The following SEC24B variants were observed in gnomAD, a reference collection of about 807,000 sequenced individuals.
The protein encoded by SEC24B is SEC24 homolog B, COPII component.
A neutral mutation model predicts 142.8 loss-of-function variants in SEC24B; 45 were observed. The observed-to-expected ratio is 0.32, with a 90% CI of 0.25 to 0.40. SEC24B has a LOEUF of 0.40. SEC24B is among the 10% of genes least tolerant of loss of function. The pLI is 1.00. For synonymous variants in SEC24B, 574 were observed against 568.2 expected, an observed-to-expected ratio of 1.01 and a Z score of -0.15; for missense variants, 1,409 against 1,526.8, an observed-to-expected ratio of 0.92 and a Z score of 1.29.
intron 4 of SEC24B, among the ~76,000 whole-genome samples, chr4:109,483,030 GTATT>G (rs1388759875): frequency 1.2e-5 from 1 of 83,642 alleles, no homozygotes; most frequent in Non-Finnish European, 2.1e-5. Context: ...TTTTATATAT[GTATT>G]TATATATATG....
chr4:109,499,823 C>G (rs1443587574), intron 6 of SEC24B, among the ~76,000 whole-genome samples: 1 of 152,120 alleles, frequency 6.6e-6, no homozygotes, highest in Admixed American at 6.5e-5. Context: ...TTTACTCATA[C>G]TAAACTTTTT....
At chr4:109,434,092 A>G (rs1317765922) in intron 1 of SEC24B, 90 bp downstream of exon 1, 2 of 901,214 alleles carry the variant, frequency 2.2e-6, no homozygotes, top group Non-Finnish European at 2.7e-6. Flanking sequence ...CCGGGCCGGG[A>G]AGGGCGTTCG....
Position 109,433,936 on chromosome 4 carries a change from G to T in SEC24B, c.67G>T (p.Ala23Ser). ...CCGGATCCCGCCCAAGTTCGGCGGA[G>T]CGGCCGTCTCAGGAGCCGCAGCGCC... ...SARIPPKFGG[A>S]AVSGAAAPAG... The change falls in exon 1 of 24, where the codon GCG becomes TCG. Residue 23 changes from alanine to serine, a missense_variant. Coordinates refer to ENST00000265175, the MANE Select transcript of SEC24B (RefSeq NM_006323.5). 1 of 1,286,252 alleles carries T rather than the reference G, an allele frequency of 7.8e-7. No individual in the cohort carries two copies. 79.7% of individuals were successfully genotyped at this position (1,286,252 alleles called of 1,614,324 possible).
intron 1 of SEC24B, among the ~76,000 whole-genome samples, chr4:109,434,783 G>A (rs947924395): frequency 6.6e-5 from 10 of 152,164 alleles, no homozygotes; most frequent in African/African-American, 1.4e-4. Flanking sequence ...ACGTGCCAGA[G>A]TTGGCCCTGC....
chr4:109,524,973 A>C (rs1220763998), intron 15 of SEC24B, 32 bp downstream of exon 15: 3 of 1,565,040 alleles, frequency 1.9e-6, no homozygotes, highest in Non-Finnish European at 2.6e-6. Flanking sequence ...ACATTTGTTT[A>C]AATGAACATT....
At chr4:109,509,059 T>A (rs1238724450) in intron 7 of SEC24B, among the ~76,000 whole-genome samples, 1 of 152,158 alleles carries the variant, frequency 6.6e-6, no homozygotes, top group Non-Finnish European at 1.5e-5. Context: ...GGAGGGTGAC[T>A]CTTGTAAATA....
In SEC24B at chr4:109,494,804, C is replaced by G; in HGVS notation, c.1436C>G (p.Ser479Cys). The change falls in exon 6 of 24, where the codon TCT (serine) becomes TGT (cysteine). Residue 479 changes from serine to cysteine, a missense_variant. Physicochemically the swap from Ser to Cys is moderately radical, Grantham distance 112. Around this residue, in one of 2 missense-constraint regions of SEC24B, gnomAD observed 709 missense variants for 673.5 expected, o/e 1.05. Transcript: ENST00000265175. ...CAGAATGCTACAGCACCACTTATTT[C>G]TGGAGTACAGCCCAGTAACCCGGTA... The part of the protein sequence containing the change: ...GYQNATAPLI[S>C]GVQPSNPVYS... The G allele has an allele frequency of 1.2e-6, 2 of 1,614,164 alleles. No individual in the cohort carries two copies. Among genetic ancestry groups the G allele is most frequent in the Non-Finnish European group, 1.7e-6 (2 of 1,180,006 alleles).
At chr4:109,488,088 A>G (rs1371532514) in intron 4 of SEC24B, among the ~76,000 whole-genome samples, 1 of 152,124 alleles carries the variant, frequency 6.6e-6, no homozygotes, top group African/African-American at 2.4e-5. Context: ...AATGCCCATG[A>G]TATTTTTAAT....
chr4:109,467,330 A>C (rs1383582036), intron 2 of SEC24B, among the ~76,000 whole-genome samples: 1 of 149,712 alleles, frequency 6.7e-6, no homozygotes, highest in African/African-American at 2.5e-5. Context: ...CGTCTCAAAA[A>C]AAAAAAAAAA....
intron 1 of SEC24B, among the ~76,000 whole-genome samples, chr4:109,436,479 A>T (rs1728419945): frequency 6.6e-6 from 1 of 152,212 alleles, no homozygotes; most frequent in Non-Finnish European, 1.5e-5. Context: ...GGTACCTAGA[A>T]ATCACTCACT....
At chr4:109,446,769 T>C (rs1443611313) in intron 1 of SEC24B, among the ~76,000 whole-genome samples, 1 of 152,252 alleles carries the variant, frequency 6.6e-6, no homozygotes. Flanking sequence ...TCTTTGTGTT[T>C]AAGTAGCATG....
At chr4:109,530,112 A>G (rs146262662) in intron 18 of SEC24B, among the ~76,000 whole-genome samples, 177 bp from the exon 19 acceptor site, 1 of 152,214 alleles carries the variant, frequency 6.6e-6, no homozygotes, top group East Asian at 1.9e-4. Context: ...TGTCAGATTT[A>G]TTTCAGAAAA....
intron 1 of SEC24B, among the ~76,000 whole-genome samples, chr4:109,435,152 A>T (rs191449763): frequency 9.6e-4 from 147 of 152,340 alleles, no homozygotes; most frequent in African/African-American, 3.4e-3. Context: ...TAAGTTTTAC[A>T]ACTGATGCTT....
At position 109,538,528 on chromosome 4, in the gene SEC24B, A is replaced by G. The variant is rs779723024; in HGVS notation, c.3624A>G (p.Glu1208=). ...HLPELDTLSS[E]RARSFITWLR... Reference sequence around the variant, plus strand: ...CAGAGCTAGATACACTTTCATCAGAAAGAGCCAGATCCTTCATAACTTGGC... The same window carrying G: ...CAGAGCTAGATACACTTTCATCAGAGAGAGCCAGATCCTTCATAACTTGGC... The change falls in exon 23 of 24, where the codon GAA becomes GAG. Residue 1208 remains glutamate (E), a synonymous_variant. Coordinates refer to ENST00000265175, the MANE Select transcript of SEC24B (RefSeq NM_006323.5). 3.7e-6 allele frequency: 6 copies of G among 1,613,374 alleles called. No homozygotes were observed. The highest frequency in any genetic ancestry group is 2.5e-6 in the Non-Finnish European group (3 of 1,179,472).
chr4:109,465,354 C>G (rs961862305), intron 2 of SEC24B, among the ~76,000 whole-genome samples: 1 of 152,170 alleles, frequency 6.6e-6, no homozygotes. Flanking sequence ...GAATCTATTT[C>G]TAACTGGATC....
chr4:109,464,252 A>T (rs886088032), intron 2 of SEC24B, among the ~76,000 whole-genome samples: 6 of 151,164 alleles, frequency 4.0e-5, no homozygotes, highest in African/African-American at 1.5e-4. Flanking sequence ...GTGTTGTTAA[A>T]TTTTTTCATT....
Position 109,539,732 on chromosome 4 carries a change from C to G in SEC24B, c.*57C>G. 1.8e-6 allele frequency: 2 copies of G among 1,129,658 alleles called. No individual in the cohort carries two copies. The highest frequency in any genetic ancestry group is 2.6e-5 in the South Asian group (2 of 76,636). The allele number at this position is 1,129,658 out of a possible 1,614,324, so 70.0% of individuals were successfully genotyped here. On this transcript the variant is annotated 3_prime_UTR_variant, in exon 24 of 24. Coordinates refer to ENST00000265175, the MANE Select transcript of SEC24B (RefSeq NM_006323.5). Reference sequence around the variant, plus strand: ...ATAACCTAGGTAAAGCATAATCTGTCAGAGAAGCGCGTGAGAAATTTGAAA... The same window carrying G: ...ATAACCTAGGTAAAGCATAATCTGTGAGAGAAGCGCGTGAGAAATTTGAAA...
intron 3 of SEC24B, among the ~76,000 whole-genome samples, chr4:109,474,230 G>C (rs1323422612): frequency 6.6e-6 from 1 of 152,144 alleles, no homozygotes; most frequent in Non-Finnish European, 1.5e-5. Context: ...AAAAGTATTT[G>C]CCTTCAAAGT....
chr4:109,484,492 G>C (rs1338388524), intron 4 of SEC24B, among the ~76,000 whole-genome samples: 1 of 152,052 alleles, frequency 6.6e-6, no homozygotes, highest in Non-Finnish European at 1.5e-5. Context: ...CATTTGTGAG[G>C]AGTTTCTTTG....
Sources: gnomAD v4.1 joint callset for allele counts (sites outside exome capture counted in the v4.1 genomes callset) on GRCh38, gnomAD v4.1.1 for gene constraint, gnomAD v4.1.1 regional missense constraint, MANE v1.5 for transcripts, NCBI Gene and HGNC (gene_info 2026-07-23, HGNC 2026-07-21) for gene names.